The following PTPN5 variants were observed in gnomAD, a reference collection of about 807,000 sequenced individuals.
PTPN5 encodes the protein tyrosine-protein phosphatase non-receptor type 5.
Under a neutral mutation model 73.9 loss-of-function variants are expected in PTPN5, and 29 were observed. The observed-to-expected ratio is 0.39, with a 90% confidence interval of 0.29 to 0.54. PTPN5 has a LOEUF of 0.54. PTPN5 is among the 20% of genes least tolerant of loss of function. The pLI is 0.65. For missense variants in PTPN5, 652 were observed against 751.4 expected, an observed-to-expected ratio of 0.87 and a Z score of 1.55; for synonymous variants, 267 against 304.7, an observed-to-expected ratio of 0.88 and a Z score of 1.29.
At chr11:18,769,371 G>A (rs1850774463) in intron 2 of PTPN5, among the ~76,000 whole-genome samples, 1 of 152,222 alleles carries the variant, frequency 6.6e-6, no homozygotes, top group South Asian at 2.1e-4. Flanking sequence ...TCTTCTCCAA[G>A]GGGGAGACAG....
At chr11:18,741,322 G>A (rs1055519350) in intron 7 of PTPN5, among the ~76,000 whole-genome samples, 1 of 152,156 alleles carries the variant, frequency 6.6e-6, no homozygotes, top group African/African-American at 2.4e-5. Flanking sequence ...GGAGTCCCAG[G>A]AGCAGCACGG....
At chr11:18,790,614 AG>A (rs1475348786) in intron 1 of PTPN5, among the ~76,000 whole-genome samples, 1 of 151,914 alleles carries the variant, frequency 6.6e-6, no homozygotes, top group Non-Finnish European at 1.5e-5. Flanking sequence ...TTGGTACCAT[AG>A]GTAGGGAAGG....
upstream of PTPN5, chr11:18,792,118 G>A (rs963605376): frequency 1.3e-5 from 2 of 152,330 alleles, no homozygotes; most frequent in Non-Finnish European, 2.9e-5. Flanking sequence ...CCTCTTGGGA[G>A]CCCCGGGTCG....
intron 3 of PTPN5, among the ~76,000 whole-genome samples, chr11:18,754,658 A>G (rs1850045527): frequency 1.3e-5 from 2 of 152,194 alleles, no homozygotes; most frequent in African/African-American, 4.8e-5. Flanking sequence ...TGGAGTGGCC[A>G]ATCATTTTTT....
rs146205574 is a variant in PTPN5 at position 18,729,774 on chromosome 11, G to C, written c.1374C>G (p.Ser458=). The C allele has an allele frequency of 7.4e-6, 12 of 1,613,176 alleles. No homozygotes were observed. The African/African-American group carries it at 1.5e-4, about 20-fold the overall frequency. The change falls in exon 13 of 15, where the codon TCC becomes TCG. Residue 458 remains serine, a synonymous_variant. Coordinates refer to ENST00000358540, the MANE Select transcript of PTPN5 (RefSeq NM_006906.2). The surrounding 1 kb of genome is among the most constrained non-coding windows in gnomAD (Gnocchi z 5.2). The part of the protein sequence containing the change: ...ERGLKHYWFT[S]WPDQKTPDRA... ...GGTCTGGGGTCTTCTGGTCGGGCCA[G>C]GATGTGAACCAGTAATGCTTCAGGC... is the stretch of plus-strand genomic sequence containing the variant.
chr11:18,781,140 G>T (rs1158741352), intron 1 of PTPN5, among the ~76,000 whole-genome samples: 1 of 151,676 alleles, frequency 6.6e-6, no homozygotes, highest in Non-Finnish European at 1.5e-5. Context: ...GATCTTTGCC[G>T]CACCCCCCCG....
chr11:18,773,379 T>G (rs1230303776), intron 1 of PTPN5, among the ~76,000 whole-genome samples: 5 of 151,968 alleles, frequency 3.3e-5, no homozygotes, highest in Non-Finnish European at 7.4e-5. Context: ...AGCCCATCAG[T>G]TTCATGACTG....
chr11:18,765,403 G>A (rs1384481093), intron 3 of PTPN5, among the ~76,000 whole-genome samples: 1 of 152,064 alleles, frequency 6.6e-6, no homozygotes, highest in East Asian at 1.9e-4. Context: ...AGGGAGGTCA[G>A]GTAGTTCTCC....
intron 3 of PTPN5, among the ~76,000 whole-genome samples, chr11:18,756,963 A>G (rs1850184544): frequency 6.6e-6 from 1 of 151,936 alleles, no homozygotes; most frequent in South Asian, 2.1e-4. Context: ...AAACAAAAAG[A>G]AACAGCACCA....
At chr11:18,746,174 T>C (rs926943708) in intron 3 of PTPN5, among the ~76,000 whole-genome samples, 10 of 104,914 alleles carry the variant, frequency 9.5e-5, no homozygotes, top group African/African-American at 2.8e-4. Context: ...TATATATATA[T>C]ATATATATAT....
intron 3 of PTPN5, among the ~76,000 whole-genome samples, chr11:18,756,935 AAC>A (rs1491236277): frequency 2.3e-4 from 17 of 75,356 alleles, no homozygotes; most frequent in Non-Finnish European, 4.7e-4. Flanking sequence ...AAAAAAAAAA[AAC>A]CAAAAAACAA....
At chr11:18,783,438 A>G (rs1851532671) in intron 1 of PTPN5, among the ~76,000 whole-genome samples, 1 of 152,222 alleles carries the variant, frequency 6.6e-6, no homozygotes, top group Non-Finnish European at 1.5e-5. Context: ...GCCTTCGGAA[A>G]GCCTTCTCTG....
chr11:18,746,169 AT>A (rs1564901221), intron 3 of PTPN5, among the ~76,000 whole-genome samples: 94 of 98,250 alleles, frequency 9.6e-4, no homozygotes, highest in African/African-American at 2.6e-3. Flanking sequence ...ATAAATATAT[AT>A]ATATATATAT....
chr11:18,768,644 T>C (rs1256341033), intron 2 of PTPN5, among the ~76,000 whole-genome samples: 1 of 152,040 alleles, frequency 6.6e-6, no homozygotes, highest in Non-Finnish European at 1.5e-5. Flanking sequence ...TCCTAGAAAA[T>C]GACTAATTTC....
chr11:18,775,084 T>C (rs1554926642), intron 1 of PTPN5, among the ~76,000 whole-genome samples: 1 of 152,194 alleles, frequency 6.6e-6, no homozygotes, highest in Non-Finnish European at 1.5e-5. Flanking sequence ...CAGCAGCCCC[T>C]GGAGGAACGT....
intron 1 of PTPN5, among the ~76,000 whole-genome samples, chr11:18,789,101 T>C (rs1430650045): frequency 6.6e-6 from 1 of 152,178 alleles, no homozygotes; most frequent in Non-Finnish European, 1.5e-5. Context: ...CTTTGAGGCC[T>C]TAAGAATCCC....
chr11:18,788,880 G>A (rs936847519), intron 1 of PTPN5, among the ~76,000 whole-genome samples: 1 of 152,162 alleles, frequency 6.6e-6, no homozygotes, highest in Non-Finnish European at 1.5e-5. Flanking sequence ...CTATTGTCAC[G>A]GATGTCTTAT....
chr11:18,757,280 A>G (rs541411137), intron 3 of PTPN5, among the ~76,000 whole-genome samples: 1 of 152,312 alleles, frequency 6.6e-6, no homozygotes, highest in South Asian at 2.1e-4. Context: ...GGAGGGATGG[A>G]GCAGTGCAGG....
At chr11:18,740,385 C>T in intron 8 of PTPN5, 1 of 422,000 alleles carries the variant, frequency 2.4e-6, no homozygotes, top group Non-Finnish European at 4.2e-6. Context: ...TCTCTTTAAT[C>T]TTTGCAACAA....
Sources: allele counts gnomAD v4.1 joint callset (sites outside exome capture counted in the v4.1 genomes callset), GRCh38; gene constraint gnomAD v4.1.1; non-coding constraint Gnocchi (gnomAD v3.1); transcripts MANE v1.5; gene names NCBI Gene and HGNC (gene_info 2026-07-23, HGNC 2026-07-21).